Variants in ACOXL observed in about 807,000 individuals in gnomAD.
ACOXL encodes acyl-CoA oxidase like.
In ACOXL, 70 loss-of-function variants were observed where a neutral mutation model predicts 71.9. That is an observed-to-expected ratio of 0.97 (90% CI 0.80 to 1.19). The LOEUF (loss-of-function observed/expected upper bound fraction) is 1.19, where lower values mean the gene tolerates loss of function less well. Among genes scored for constraint, ACOXL ranks in the 50% most tolerant of loss-of-function variants. ACOXL has a pLI of 0.00. For synonymous variants in ACOXL, 253 were observed against 281.6 expected (o/e 0.90, Z 1.02); for missense variants, 703 against 736.3 (o/e 0.95, Z 0.52).
intron 10 of ACOXL, among the ~76,000 whole-genome samples, chr2:110,885,834 A>G (rs762244505): frequency 6.6e-6 from 1 of 152,158 alleles, no homozygotes; most frequent in Non-Finnish European, 1.5e-5. Context: ...TTTCTTTTGG[A>G]ATATGGCTCA....
At chr2:110,838,005 G>A (rs934509677) in intron 9 of ACOXL, among the ~76,000 whole-genome samples, 1 of 152,184 alleles carries the variant, frequency 6.6e-6, no homozygotes, top group African/African-American at 2.4e-5. Flanking sequence ...AGCAACAAAG[G>A]GGTCAATTGT....
chr2:110,824,079 G>A (rs1025294875), intron 9 of ACOXL, among the ~76,000 whole-genome samples: 10 of 152,058 alleles, frequency 6.6e-5, no homozygotes, highest in African/African-American at 2.4e-4. Context: ...TTATGGTTTT[G>A]CATTTTACAT....
intron 14 of ACOXL, among the ~76,000 whole-genome samples, chr2:111,019,120 C>T (rs1337457848): frequency 6.6e-6 from 1 of 152,202 alleles, no homozygotes; most frequent in Admixed American, 6.5e-5. Context: ...TAGTCTTCAG[C>T]TGAACGTGAA....
intron 10 of ACOXL, among the ~76,000 whole-genome samples, chr2:110,898,687 C>T (rs780496644): frequency 5.9e-5 from 9 of 152,120 alleles, no homozygotes; most frequent in African/African-American, 1.9e-4. Context: ...AGTAAGGCAA[C>T]GATGTCTGCT....
chr2:110,754,484 C>G (rs539848754), intron 1 of ACOXL, among the ~76,000 whole-genome samples: 11 of 152,174 alleles, frequency 7.2e-5, no homozygotes, highest in Non-Finnish European at 1.3e-4. Context: ...GAATCAGAAT[C>G]CCCATAGTCC....
chr2:110,978,726 C>T (rs142798964), intron 12 of ACOXL, among the ~76,000 whole-genome samples: 7 of 152,160 alleles, frequency 4.6e-5, no homozygotes, highest in South Asian at 4.2e-4. Context: ...CATTATAATT[C>T]GAAACAAATC....
chr2:110,896,387 T>G (rs1240286232), intron 10 of ACOXL, among the ~76,000 whole-genome samples: 1 of 152,164 alleles, frequency 6.6e-6, no homozygotes, highest in African/African-American at 2.4e-5. Context: ...TATCAATAAT[T>G]ACATTAAATG....
chr2:110,840,253 CA>C (rs1254833257), intron 9 of ACOXL, among the ~76,000 whole-genome samples: 1 of 152,114 alleles, frequency 6.6e-6, no homozygotes, highest in African/African-American at 2.4e-5. Flanking sequence ...CTTACATAGG[CA>C]TGTTTGACCT....
chr2:110,769,454 G>C (rs1681584728), intron 2 of ACOXL, among the ~76,000 whole-genome samples: 1 of 151,910 alleles, frequency 6.6e-6, no homozygotes, highest in African/African-American at 2.4e-5. Context: ...GTTCAAGACT[G>C]GCCTGGGCAA....
At chr2:110,993,841 C>T (rs2063281995) in intron 13 of ACOXL, among the ~76,000 whole-genome samples, 1 of 152,174 alleles carries the variant, frequency 6.6e-6, no homozygotes, top group South Asian at 2.1e-4. Flanking sequence ...ATAATGCTAC[C>T]TCACTATGGT....
chr2:110,871,304 T>C (rs754951489), intron 10 of ACOXL, among the ~76,000 whole-genome samples: 3 of 152,156 alleles, frequency 2.0e-5, no homozygotes, highest in Non-Finnish European at 4.4e-5. Context: ...CTGTCCATTT[T>C]GGGCTGAGAA....
At chr2:110,857,088 G>A (rs1693347396) in intron 10 of ACOXL, among the ~76,000 whole-genome samples, 1 of 152,172 alleles carries the variant, frequency 6.6e-6, no homozygotes, top group Non-Finnish European at 1.5e-5. Flanking sequence ...AAGTGGGGCA[G>A]TTTCAGGGTG....
chr2:110,850,055 A>G (rs929842684), intron 10 of ACOXL, among the ~76,000 whole-genome samples: 8 of 152,350 alleles, frequency 5.3e-5, no homozygotes, highest in Non-Finnish European at 1.0e-4. Flanking sequence ...CATCCATATA[A>G]AAATTCAAAA....
chr2:110,926,822 C>A (rs75774332), intron 11 of ACOXL, among the ~76,000 whole-genome samples: 1,996 of 152,224 alleles, frequency 0.013, 49 homozygotes, highest in African/African-American at 0.046. Flanking sequence ...CACACTCTCT[C>A]CCCATTCAGC....
chr2:110,884,243 GA>G (rs1697030769), intron 10 of ACOXL, among the ~76,000 whole-genome samples: 1 of 152,208 alleles, frequency 6.6e-6, no homozygotes, highest in African/African-American at 2.4e-5. Context: ...ACTATGTAAG[GA>G]AGCTAAAGAA....
intron 10 of ACOXL, among the ~76,000 whole-genome samples, chr2:110,884,412 C>T (rs1219129391): frequency 2.6e-5 from 4 of 152,138 alleles, no homozygotes; most frequent in African/African-American, 9.7e-5. Context: ...CTAGGATTCC[C>T]TTCTTACATC....
intron 10 of ACOXL, among the ~76,000 whole-genome samples, chr2:110,890,396 G>A (rs1321057504): frequency 6.6e-6 from 1 of 152,112 alleles, no homozygotes; most frequent in African/African-American, 2.4e-5. Flanking sequence ...CTAATCCAAG[G>A]TCATGAGGAT....
At chr2:111,108,371 CTTTTTT>C (rs1225889982) in intron 17 of ACOXL, among the ~76,000 whole-genome samples, 4 of 71,056 alleles carry the variant, frequency 5.6e-5, no homozygotes, top group South Asian at 5.7e-4. Flanking sequence ...GTGCATGAAT[CTTTTTT>C]TTTTTTTTTT....
intron 16 of ACOXL, among the ~76,000 whole-genome samples, chr2:111,055,734 C>G (rs2066502910): frequency 1.3e-5 from 2 of 152,324 alleles, no homozygotes; most frequent in Non-Finnish European, 2.9e-5. Flanking sequence ...GACTGCATTT[C>G]CAAACCCAGT....
Sources: allele counts gnomAD v4.1 joint callset (sites outside exome capture counted in the v4.1 genomes callset), GRCh38; gene constraint gnomAD v4.1.1; transcripts MANE v1.5; gene names NCBI Gene and HGNC (gene_info 2026-07-23, HGNC 2026-07-21).